DLG2: variants seen among roughly 807,000 people sequenced by gnomAD.
DLG2 encodes the protein discs large MAGUK scaffold protein 2.
In DLG2, 45 loss-of-function variants were observed where a neutral mutation model predicts 132.5. The observed-to-expected ratio is 0.34, with a 90% confidence interval of 0.27 to 0.44. The LOEUF (loss-of-function observed/expected upper bound fraction) is 0.44, where lower values mean the gene tolerates loss of function less well. DLG2 is among the 20% of genes least tolerant of loss of function. The pLI is 1.00. For missense variants in DLG2, 1,045 were observed against 1,196.9 expected (o/e 0.87, Z 1.87); for synonymous variants, 424 against 419.6 (o/e 1.01, Z -0.13).
chr11:85,338,690 G>GA (rs2082285840), intron 3 of DLG2, among the ~76,000 whole-genome samples: 2 of 147,608 alleles, frequency 1.4e-5, no homozygotes, highest in Admixed American at 1.4e-4. Context: ...CACACCCTCT[G>GA]TGTATAAATA....
intron 8 of DLG2, among the ~76,000 whole-genome samples, chr11:84,166,081 T>C (rs1035813777): frequency 3.9e-5 from 6 of 152,200 alleles, no homozygotes; most frequent in African/African-American, 9.6e-5. Flanking sequence ...AGAAAAGACA[T>C]TGGAAAGGCC....
At chr11:84,637,627 T>C (rs2099643016) in intron 6 of DLG2, among the ~76,000 whole-genome samples, 1 of 152,228 alleles carries the variant, frequency 6.6e-6, no homozygotes, top group South Asian at 2.1e-4. Flanking sequence ...TCATTTGTTC[T>C]TGTCTGGGGA....
At chr11:84,624,762 C>T (rs558224009) in intron 6 of DLG2, among the ~76,000 whole-genome samples, 2 of 151,134 alleles carry the variant, frequency 1.3e-5, no homozygotes, top group East Asian at 3.9e-4. Flanking sequence ...CCACTTTAAC[C>T]CACACCACTC....
intron 9 of DLG2, among the ~76,000 whole-genome samples, chr11:84,159,720 G>A (rs985290066): frequency 2.6e-5 from 4 of 152,058 alleles, no homozygotes; most frequent in Admixed American, 1.3e-4. Flanking sequence ...AAAAGATAAC[G>A]GGTTACTTGG....
chr11:85,252,520 A>T (rs1262474497), intron 4 of DLG2, among the ~76,000 whole-genome samples: 1 of 152,124 alleles, frequency 6.6e-6, no homozygotes, highest in Non-Finnish European at 1.5e-5. Flanking sequence ...CAGGAGGTGG[A>T]GGTTGCAGTG....
intron 3 of DLG2, among the ~76,000 whole-genome samples, chr11:85,583,679 G>A (rs1219753249): frequency 4.6e-5 from 7 of 151,918 alleles, no homozygotes; most frequent in Admixed American, 1.3e-4. Flanking sequence ...TCTATCTTTC[G>A]CTAGGAGCCA....
chr11:84,477,254 G>A (rs1045015297), intron 7 of DLG2, among the ~76,000 whole-genome samples: 1 of 151,990 alleles, frequency 6.6e-6, no homozygotes, highest in South Asian at 2.1e-4. Context: ...CAGCTCTTTG[G>A]GAGGCTGAAG....
chr11:83,590,089 G>C (rs2097160959), intron 19 of DLG2, among the ~76,000 whole-genome samples: 1 of 118,848 alleles, frequency 8.4e-6, no homozygotes, highest in Non-Finnish European at 1.8e-5. Flanking sequence ...CAACGAGACA[G>C]AAGTCAACAA....
intron 3 of DLG2, among the ~76,000 whole-genome samples, chr11:85,597,995 TAA>T (rs529614139): frequency 9.5e-4 from 138 of 144,708 alleles, no homozygotes; most frequent in African/African-American, 3.0e-3. Flanking sequence ...TGCACAAATA[TAA>T]GAGATGTATA....
At chr11:84,888,345 C>A (rs1013163789) in intron 6 of DLG2, among the ~76,000 whole-genome samples, 1 of 152,120 alleles carries the variant, frequency 6.6e-6, no homozygotes, top group Admixed American at 6.6e-5. Flanking sequence ...AATTTTTGCT[C>A]TCCCTTCTTG....
At chr11:85,302,770 T>C (rs1347781328) in intron 3 of DLG2, among the ~76,000 whole-genome samples, 3 of 151,826 alleles carry the variant, frequency 2.0e-5, no homozygotes, top group Non-Finnish European at 4.4e-5. Context: ...GTTGAGGATA[T>C]AGGAGAATAA....
chr11:84,926,863 A>G (rs529513296), intron 6 of DLG2, among the ~76,000 whole-genome samples: 1 of 152,164 alleles, frequency 6.6e-6, no homozygotes, highest in South Asian at 2.1e-4. Flanking sequence ...AGAATCTATC[A>G]ATTTCTGAAT....
At chr11:84,265,902 A>G (rs1231831689) in intron 7 of DLG2, among the ~76,000 whole-genome samples, 4 of 152,106 alleles carry the variant, frequency 2.6e-5, no homozygotes, top group Non-Finnish European at 2.9e-5. Context: ...TTTAATGTGT[A>G]TATATTTTTA....
chr11:84,580,527 G>C (rs2099513895), intron 6 of DLG2, among the ~76,000 whole-genome samples: 1 of 152,136 alleles, frequency 6.6e-6, no homozygotes. Context: ...TGTGATTTGG[G>C]TCCCAGTGAG....
At chr11:84,195,354 G>A (rs575219687) in intron 8 of DLG2, among the ~76,000 whole-genome samples, 5 of 152,116 alleles carry the variant, frequency 3.3e-5, no homozygotes, top group Admixed American at 2.0e-4. Context: ...TAGTAGAGAC[G>A]GGGTTTCACC....
chr11:83,597,814 C>CA (rs149668118), intron 19 of DLG2, among the ~76,000 whole-genome samples: 7,009 of 151,910 alleles, frequency 0.046, 196 homozygotes, highest in South Asian at 0.11. Context: ...AACAAACAAA[C>CA]AAACACAAAA....
At chr11:84,363,209 G>T (rs1297813877) in intron 7 of DLG2, among the ~76,000 whole-genome samples, 3 of 152,012 alleles carry the variant, frequency 2.0e-5, no homozygotes, top group Non-Finnish European at 4.4e-5. Flanking sequence ...ATTCTAACTG[G>T]TGTGATATGA....
chr11:83,577,522 T>C (rs1281828021), intron 19 of DLG2, among the ~76,000 whole-genome samples: 2 of 127,898 alleles, frequency 1.6e-5, no homozygotes, highest in African/African-American at 5.9e-5. Context: ...TATATATATG[T>C]ATTAGTCAGG....
intron 17 of DLG2, among the ~76,000 whole-genome samples, chr11:83,804,910 C>T (rs75106190): frequency 0.012 from 1,754 of 152,142 alleles, 35 homozygotes; most frequent in African/African-American, 0.04. Context: ...TAGTCTTGAA[C>T]ATTACCTACA....
Sources: allele counts gnomAD v4.1 joint callset (sites outside exome capture counted in the v4.1 genomes callset), GRCh38; gene constraint gnomAD v4.1.1; transcripts MANE v1.5; gene names NCBI Gene and HGNC (gene_info 2026-07-23, HGNC 2026-07-21).